The following BICRAL variants were observed in gnomAD, a reference collection of about 807,000 sequenced individuals.
BICRAL encodes BICRA like chromatin remodeling complex associated protein.
In BICRAL, 8 loss-of-function variants were observed where a neutral mutation model predicts 91.8. That is an observed-to-expected ratio of 0.09 (90% CI 0.05 to 0.16). The LOEUF (loss-of-function observed/expected upper bound fraction) is 0.16, where lower values mean the gene tolerates loss of function less well. BICRAL is among the 10% of genes least tolerant of loss of function. The pLI is 1.00. For missense variants in BICRAL, 1,038 were observed against 1,310.9 expected, an observed-to-expected ratio of 0.79 and a Z score of 3.21; for synonymous variants, 445 against 491.1, an observed-to-expected ratio of 0.91 and a Z score of 1.24.
chr6:42,842,478 A>G lies in BICRAL; in HGVS notation c.1840-9614A>G, dbSNP rs146672410. On this transcript the variant is annotated intron_variant, in intron 6 of 12. Transcript: ENST00000314073. ...TCCGACCTGGCAGTCAGGGTTCTCTAGTCAGAAACCCTCCACTTCCACCAG... is the reference window on the plus strand; with the variant it reads ...TCCGACCTGGCAGTCAGGGTTCTCTGGTCAGAAACCCTCCACTTCCACCAG... Among the ~76,000 whole-genome samples the G allele has an allele frequency of 5.4e-3, 823 of 152,286 alleles. 5 individuals are homozygous for G. Among genetic ancestry groups the G allele is most frequent in the Middle Eastern group, 0.01 (3 of 294 alleles).
chr6:42,746,596 A>C (rs1396197822), upstream of BICRAL, among the ~76,000 whole-genome samples: 1 of 152,052 alleles, frequency 6.6e-6, no homozygotes, highest in Non-Finnish European at 1.5e-5. Context: ...GCGCCGGAGG[A>C]AGCAGCAGCT....
intron 1 of BICRAL, among the ~76,000 whole-genome samples, chr6:42,799,543 C>T (rs1451138099): frequency 6.6e-6 from 1 of 152,078 alleles, no homozygotes; most frequent in Non-Finnish European, 1.5e-5. Flanking sequence ...ATCCATGAGC[C>T]TCAGCCTCCC....
Position 42,775,301 on chromosome 6 carries a change from T to C in BICRAL, c.-260-6538T>C, listed in dbSNP as rs138779079. On this transcript the variant is annotated intron_variant, in intron 1 of 14. Transcript: ENST00000614467. ...CATTTTCAGAAAGCACACTGACATT[T>C]ATTGGGCAAGTCCCTTTACATGGGT... 2.1e-4 allele frequency among the ~76,000 whole-genome samples: 32 copies of C among 152,302 alleles called. No homozygotes were observed. In the East Asian group the frequency reaches 5.6e-3, roughly 27 times the overall value.
chr6:42,858,535 A>C (rs78460658), intron 10 of BICRAL, among the ~76,000 whole-genome samples: 1 of 139,726 alleles, frequency 7.2e-6, no homozygotes, highest in South Asian at 2.3e-4. Flanking sequence ...AAAAAAAAAA[A>C]GGCTGGGCGC....
rs1159342197 is a variant in BICRAL, at chr6:42,793,122, A to AT, written c.-102+11060dup. On this transcript the variant is annotated intron_variant, in intron 1 of 12. Coordinates refer to ENST00000314073, the MANE Select transcript of BICRAL (RefSeq NM_001393499.1). ...AAGCGCATGCCACCATGCCCAGCTA[A>AT]TTTTTTTTTTTTTTTTTTTTTTTTT... Among the ~76,000 whole-genome samples, 138 of 37,252 alleles carry AT rather than the reference A, an allele frequency of 3.7e-3. 53 individuals are homozygous for AT. The highest frequency in any genetic ancestry group is 5.2e-3 in the Non-Finnish European group (106 of 20,498). 24.4% of individuals were successfully genotyped at this position (37,252 alleles called of 152,430 possible). A position where few individuals can be genotyped will look rare whatever the true frequency, so the allele number is the denominator to read the frequency against.
At position 42,829,175 on chromosome 6, in the gene BICRAL, C is replaced by A; in HGVS notation, c.842C>A (p.Pro281Gln). 6.2e-7 allele frequency: 1 copy of A among 1,614,088 alleles called. No homozygotes were observed. The highest frequency in any genetic ancestry group is 8.5e-7 in the Non-Finnish European group (1 of 1,179,968). ...SSPVAQPVTV[P>Q]FNSTNFQTSL... is the part of the protein sequence containing the mutation. ...CCAGTAGCACAGCCTGTTACCGTTC[C>A]ATTTAACAGCACAAATTTTCAAACA... The change falls in exon 6 of 13, where the codon CCA becomes CAA. Residue 281 changes from proline (P) to glutamine (Q), a missense_variant. Around this residue, in one of 5 missense-constraint regions of BICRAL, gnomAD observed 532 missense variants for 724.9 expected, o/e 0.73. Coordinates refer to ENST00000314073, the MANE Select transcript of BICRAL (RefSeq NM_001393499.1).
intron 6 of BICRAL, among the ~76,000 whole-genome samples, chr6:42,847,986 C>T (rs1250103897): frequency 1.3e-5 from 2 of 151,576 alleles, no homozygotes; most frequent in Non-Finnish European, 1.5e-5. Flanking sequence ...AAAATTAGCC[C>T]GGTATGGTGG....
chr6:42,801,237 C>G (rs547109215), intron 1 of BICRAL, among the ~76,000 whole-genome samples: 1 of 128,286 alleles, frequency 7.8e-6, no homozygotes, highest in Non-Finnish European at 1.6e-5. Flanking sequence ...GCTGGCAGAG[C>G]GAGACTCTGT....
In BICRAL at chr6:42,865,269, A is replaced by G. The variant is rs138763422; in HGVS notation, c.3063A>G (p.Gly1021=). Residue 1021 remains glycine, a synonymous_variant, in exon 13 of 13, where the codon GGA becomes GGG. Coordinates refer to ENST00000314073, the MANE Select transcript of BICRAL (RefSeq NM_001393499.1). ...ACATCTTGGAACTCAAAAAGGCGGG[A>G]CGGCAGCCCCAGAGTGACCCCACGG... ...FKNILELKKA[G]RQPQSDPTVS... 0.015 allele frequency: 24,268 copies of G among 1,614,048 alleles called. 248 individuals carry two copies. The highest frequency in any genetic ancestry group is 0.019 in the Non-Finnish European group (21,968 of 1,179,960).
intron 1 of BICRAL, among the ~76,000 whole-genome samples, chr6:42,767,288 T>C (rs1762650636): frequency 6.6e-6 from 1 of 152,188 alleles, no homozygotes; most frequent in South Asian, 2.1e-4. Context: ...TTGTTTTCTA[T>C]TTATGTCATT....
At chr6:42,852,218 G>A (rs779927230) in intron 7 of BICRAL, 21 bp downstream of exon 7, 43 of 1,399,932 alleles carry the variant, frequency 3.1e-5, no homozygotes, top group Non-Finnish European at 3.7e-5. Flanking sequence ...TCCTCAGTTT[G>A]TCCCTGTCCT....
Position 42,823,784 on chromosome 6 carries a change from G to C in BICRAL, c.159+781G>C, listed in dbSNP as rs1452001837. 3.3e-5 allele frequency among the ~76,000 whole-genome samples: 5 copies of C among 151,968 alleles called. No homozygotes were observed. In the East Asian group the frequency reaches 9.6e-4, roughly 29 times the overall value. On this transcript the variant is annotated intron_variant, in intron 5 of 12. Coordinates refer to ENST00000314073, the MANE Select transcript of BICRAL (RefSeq NM_001393499.1). ...TAAAAATACAAAAAAAAATTGCCAG[G>C]CATGGTGGTAGGCGCCTGTAATCCC...
Position 42,853,661 on chromosome 6 carries a change from A to C in BICRAL, c.1969A>C (p.Ile657Leu). 6.2e-7 allele frequency: 1 copy of C among 1,613,810 alleles called. No homozygotes were observed. Among genetic ancestry groups the C allele is most frequent in the Admixed American group, 1.7e-5 (1 of 60,014 alleles). The change falls in exon 8 of 13, where the codon ATA (isoleucine) becomes CTA (leucine). Residue 657 changes from isoleucine to leucine, a missense_variant. Coordinates refer to ENST00000314073, the MANE Select transcript of BICRAL (RefSeq NM_001393499.1). The stretch of plus-strand genomic sequence containing the variant: ...AGGGCAGGATTCTGGAAGCAAAGTT[A>C]TATCCGCATCCTTAGGAACCGCACA... ...LPGQDSGSKVISASLGTAQPQ... is the reference protein window; with the variant it reads ...LPGQDSGSKVLSASLGTAQPQ...
chr6:42,863,712 C>T (rs1285534954), intron 12 of BICRAL, among the ~76,000 whole-genome samples: 2 of 152,144 alleles, frequency 1.3e-5, no homozygotes, highest in Non-Finnish European at 1.5e-5. Flanking sequence ...TCAAGGAGGT[C>T]ATTAGCTGAA....
chr6:42,757,218 A>G (rs1192750017), intron 1 of BICRAL, among the ~76,000 whole-genome samples: 3 of 151,674 alleles, frequency 2.0e-5, no homozygotes, highest in Non-Finnish European at 4.4e-5. Flanking sequence ...CTTTGTGCAG[A>G]TAATCTACCA....
At position 42,829,001 on chromosome 6, in the gene BICRAL, C is replaced by T; in HGVS notation, c.668C>T (p.Pro223Leu). The change falls in exon 6 of 13, where the codon CCT becomes CTT. Residue 223 changes from proline (P) to leucine (L), a missense_variant. This residue lies in a region of BICRAL where 532 missense variants were observed against 724.9 expected (regional missense o/e 0.73). Coordinates refer to ENST00000314073, the MANE Select transcript of BICRAL (RefSeq NM_001393499.1). ...IQLIGSFGNH[P>L]SMMTINNLDG... ...TTAATTGGGTCATTTGGTAATCATC[C>T]TTCCATGATGACTATTAATAACCTA... 2 of 1,613,018 alleles carry T rather than the reference C, an allele frequency of 1.2e-6. No homozygotes were observed. The highest frequency in any genetic ancestry group is 1.7e-6 in the Non-Finnish European group (2 of 1,179,036).
At chr6:42,817,910 A>G (rs913120075) in intron 2 of BICRAL, among the ~76,000 whole-genome samples, 2 of 149,996 alleles carry the variant, frequency 1.3e-5, no homozygotes, top group East Asian at 3.9e-4. Context: ...GGGGTTAAGG[A>G]TCTCTTGAGC....
intron 6 of BICRAL, among the ~76,000 whole-genome samples, chr6:42,843,152 G>C (rs1190386199): frequency 2.8e-5 from 4 of 145,190 alleles, no homozygotes; most frequent in African/African-American, 1.0e-4. Context: ...ACTGCGCCCA[G>C]GCAACACAGT....
intron 2 of BICRAL, among the ~76,000 whole-genome samples, chr6:42,816,019 T>G (rs943539921): frequency 2.7e-5 from 4 of 150,268 alleles, no homozygotes; most frequent in African/African-American, 9.8e-5. Flanking sequence ...AGATACAGTA[T>G]TTCTTTTAAG....
Sources: gnomAD v4.1 joint callset for allele counts (sites outside exome capture counted in the v4.1 genomes callset) on GRCh38, gnomAD v4.1.1 for gene constraint, gnomAD v4.1.1 regional missense constraint, MANE v1.5 for transcripts, NCBI Gene and HGNC (gene_info 2026-07-23, HGNC 2026-07-21) for gene names.